Variants in HHAT observed in about 807,000 individuals in gnomAD.
HHAT encodes hedgehog acyltransferase, also known as protein-cysteine N-palmitoyltransferase HHAT.
HHAT carries 47 observed loss-of-function variants against 70.8 expected under a neutral mutation model. That is an observed-to-expected ratio of 0.66 (90% CI 0.53 to 0.85). The LOEUF (loss-of-function observed/expected upper bound fraction) is 0.85. Among genes scored for constraint, HHAT ranks in the 40% least tolerant of loss-of-function variants. The pLI is 0.00. For synonymous variants in HHAT, 228 were observed against 247.6 expected (o/e 0.92, Z 0.74); for missense variants, 609 against 604.8 (o/e 1.01, Z -0.07).
intron 9 of HHAT, among the ~76,000 whole-genome samples, chr1:210,570,277 C>T (rs1464958627): frequency 6.6e-6 from 1 of 152,146 alleles, no homozygotes. Flanking sequence ...GGGCTCGGTC[C>T]TTTGCCAAGT....
At chr1:210,479,984 G>A (rs1251802687) in intron 8 of HHAT, among the ~76,000 whole-genome samples, 1 of 152,160 alleles carries the variant, frequency 6.6e-6, no homozygotes, top group Non-Finnish European at 1.5e-5. Flanking sequence ...TTCTCTACCT[G>A]TTAATGGGCT....
chr1:210,639,477 C>T (rs1672570114), intron 11 of HHAT, among the ~76,000 whole-genome samples: 1 of 152,168 alleles, frequency 6.6e-6, no homozygotes, highest in South Asian at 2.1e-4. Context: ...CAGATGGATG[C>T]ATAGATGTGG....
chr1:210,346,299 G>A (rs745401463), intron 1 of HHAT, among the ~76,000 whole-genome samples: 2 of 152,116 alleles, frequency 1.3e-5, no homozygotes, highest in African/African-American at 2.4e-5. Context: ...TCTTCATGAG[G>A]CAAAGAGGTC....
At chr1:210,369,572 C>T (rs534376533) in intron 3 of HHAT, 1 of 152,332 alleles carries the variant, frequency 6.6e-6, no homozygotes, top group Admixed American at 6.5e-5. Flanking sequence ...AAATGCACAC[C>T]TGCTGTGTAA....
chr1:210,621,310 TG>T (rs1444423649), intron 10 of HHAT, among the ~76,000 whole-genome samples: 2 of 152,146 alleles, frequency 1.3e-5, no homozygotes, highest in Admixed American at 6.5e-5. Flanking sequence ...GATGTGAGGC[TG>T]GGGGAGACTG....
chr1:210,421,012 C>T (rs186457796), intron 7 of HHAT, among the ~76,000 whole-genome samples: 32 of 152,206 alleles, frequency 2.1e-4, no homozygotes, highest in Admixed American at 1.8e-3. Flanking sequence ...ATGCTCTTCT[C>T]GGCAGTGTGT....
intron 8 of HHAT, among the ~76,000 whole-genome samples, chr1:210,465,751 A>G (rs1236524709): frequency 6.6e-6 from 1 of 152,278 alleles, no homozygotes; most frequent in African/African-American, 2.4e-5. Context: ...CTGATTTTTC[A>G]TAGTAACTTA....
intron 7 of HHAT, among the ~76,000 whole-genome samples, chr1:210,429,067 CAT>C (rs2093165230): frequency 6.6e-6 from 1 of 151,796 alleles, no homozygotes; most frequent in Non-Finnish European, 1.5e-5. Flanking sequence ...CAATACCTAT[CAT>C]ATCACCTATG....
At chr1:210,433,245 G>A (rs968975367) in intron 7 of HHAT, among the ~76,000 whole-genome samples, 1 of 151,696 alleles carries the variant, frequency 6.6e-6, no homozygotes, top group East Asian at 1.9e-4. Flanking sequence ...CACTCACAGC[G>A]CAGGTGCTTA....
At chr1:210,535,451 G>A (rs1161158550) in intron 9 of HHAT, among the ~76,000 whole-genome samples, 1 of 151,766 alleles carries the variant, frequency 6.6e-6, no homozygotes, top group Non-Finnish European at 1.5e-5. Context: ...GTGTGTGTGT[G>A]TGTGGGGTAA....
intron 9 of HHAT, among the ~76,000 whole-genome samples, chr1:210,573,185 T>G (rs1656770229): frequency 6.6e-6 from 1 of 152,174 alleles, no homozygotes; most frequent in Admixed American, 6.5e-5. Flanking sequence ...TCGAGAGGCC[T>G]CATTCCCTGG....
chr1:210,643,040 G>T (rs1205127579), intron 11 of HHAT, among the ~76,000 whole-genome samples: 1 of 152,088 alleles, frequency 6.6e-6, no homozygotes, highest in East Asian at 1.9e-4. Context: ...GTGCGATAAG[G>T]ATCAATTTTT....
Position 210,418,178 on chromosome 1 carries a change from C to A in HHAT, c.709C>A (p.Leu237Met), listed in dbSNP as rs746907598. Residue 237 changes from leucine (L) to methionine (M), a missense_variant, in exon 7 of 12, where the codon CTG (leucine) becomes ATG (methionine). Coordinates refer to ENST00000261458, the MANE Select transcript of HHAT (RefSeq NM_018194.6). ...GATGCAGCAGCAGGAGCATGACTCC[C>A]TGAAGGCCAGCCTGTGTGTCCTGGC... ...KQMQQQEHDS[L>M]KASLCVLALG... The A allele has an allele frequency of 6.2e-7, 1 of 1,614,162 alleles. No individual in the cohort carries two copies. Among genetic ancestry groups the A allele is most frequent in the Non-Finnish European group, 8.5e-7 (1 of 1,180,024 alleles).
intron 10 of HHAT, among the ~76,000 whole-genome samples, chr1:210,619,628 G>A (rs750680456): frequency 6.6e-5 from 10 of 152,202 alleles, no homozygotes; most frequent in South Asian, 2.1e-4. Context: ...GGACGGCTCC[G>A]TCCTGCACAT....
chr1:210,386,233 T>TTTTTTTC (rs2091046312), intron 3 of HHAT, among the ~76,000 whole-genome samples: 13 of 45,074 alleles, frequency 2.9e-4, no homozygotes, highest in African/African-American at 4.0e-4. Flanking sequence ...TTTTTTTCTT[T>TTTTTTTC]TTTTTTTTTT....
At chr1:210,377,025 A>G (rs1466427397) in intron 3 of HHAT, among the ~76,000 whole-genome samples, 1 of 152,216 alleles carries the variant, frequency 6.6e-6, no homozygotes, top group African/African-American at 2.4e-5. Context: ...TGTACAAATC[A>G]GCTTTCTTGC....
intron 1 of HHAT, among the ~76,000 whole-genome samples, chr1:210,343,263 AG>A (rs2086191761): frequency 6.6e-6 from 1 of 152,144 alleles, no homozygotes. Context: ...ATAAAAACAA[AG>A]GGCTGTAGAA....
At chr1:210,448,991 C>A (rs1162981370) in intron 7 of HHAT, among the ~76,000 whole-genome samples, 1 of 152,196 alleles carries the variant, frequency 6.6e-6, no homozygotes, top group East Asian at 1.9e-4. Context: ...TGAACATCAC[C>A]CTGGCTCTCA....
At chr1:210,590,874 G>A (rs949188920) in intron 10 of HHAT, among the ~76,000 whole-genome samples, 1 of 152,076 alleles carries the variant, frequency 6.6e-6, no homozygotes, top group Admixed American at 6.6e-5. Flanking sequence ...AGATAGATTA[G>A]CAGATCTCTA....
Sources: gnomAD v4.1 joint callset for allele counts (sites outside exome capture counted in the v4.1 genomes callset) on GRCh38, gnomAD v4.1.1 for gene constraint, MANE v1.5 for transcripts, NCBI Gene and HGNC (gene_info 2026-07-23, HGNC 2026-07-21) for gene names.